Variants in ERMP1 observed in about 807,000 individuals in gnomAD.
The protein encoded by ERMP1 is Felix-ina.
In ERMP1, 86 loss-of-function variants were observed where a neutral mutation model predicts 92.0. The ratio of observed to expected loss-of-function variants is 0.93; its 90% CI spans 0.79 to 1.12. The LOEUF is 1.12. Ranked by LOEUF, ERMP1 falls within the 50% of genes most tolerant of loss-of-function variation. The pLI, the probability that ERMP1 is intolerant of heterozygous loss-of-function variation, is 0.00. For synonymous variants in ERMP1, 530 were observed against 412.8 expected (o/e 1.28, Z -3.44); for missense variants, 1,342 against 1,116.3 (o/e 1.20, Z -2.88).
At chr9:5,853,082 G>A (rs1012677152) in intron 6 of ERMP1, among the ~76,000 whole-genome samples, 3 of 152,168 alleles carry the variant, frequency 2.0e-5, no homozygotes, top group African/African-American at 7.2e-5. Context: ...GTAGGAAAGT[G>A]ACTAGGAAGT....
chr9:5,813,103 C>G, intron 4 of ERMP1, 68 bp from the exon 5 acceptor site: 1 of 1,548,402 alleles, frequency 6.5e-7, no homozygotes, highest in Non-Finnish European at 8.9e-7. Context: ...TAATGTTTTT[C>G]AACACATAGA....
intron 10 of ERMP1, among the ~76,000 whole-genome samples, chr9:5,801,956 A>G (rs1327668148): frequency 6.6e-6 from 1 of 152,222 alleles, no homozygotes; most frequent in African/African-American, 2.4e-5. Context: ...AAAATCCTAA[A>G]TATTTTCAAT....
intron 2 of ERMP1, among the ~76,000 whole-genome samples, chr9:5,827,847 G>A (rs1829783511): frequency 1.3e-5 from 2 of 151,650 alleles, no homozygotes. Flanking sequence ...GCATGGTGGT[G>A]GGCGCCTATA....
chr9:5,849,164 A>G (rs1830276206), intron 6 of ERMP1, among the ~76,000 whole-genome samples: 1 of 152,166 alleles, frequency 6.6e-6, no homozygotes. Context: ...CTGGGACTAT[A>G]GGCATGTGCC....
At chr9:5,829,808 G>GGTC (rs1563772380) in intron 2 of ERMP1, among the ~76,000 whole-genome samples, 1 of 152,106 alleles carries the variant, frequency 6.6e-6, no homozygotes, top group African/African-American at 2.4e-5. Flanking sequence ...TGCCATCTCA[G>GGTC]GTCTTGTCTA....
Position 5,832,924 on chromosome 9 carries a change from G to C in ERMP1, c.104C>G (p.Ala35Gly). The C allele has an allele frequency of 1.3e-6, 2 of 1,561,662 alleles. No individual in the cohort carries two copies. The highest frequency in any genetic ancestry group is 1.2e-5 in the South Asian group (1 of 85,886). ...AAPPPEREARAQEPLVDGCSG... is the reference protein window; with the variant it reads ...AAPPPEREARGQEPLVDGCSG... ...GCACCCATCCACCAGAGGCTCCTGCGCTCGGGCCTCCCTCTCCGGCGGTGG... is the reference window on the plus strand; with the variant it reads ...GCACCCATCCACCAGAGGCTCCTGCCCTCGGGCCTCCCTCTCCGGCGGTGG... The change falls in exon 1 of 15, where the codon GCG (alanine) becomes GGG (glycine). Residue 35 changes from alanine (A) to glycine (G), a missense_variant. Coordinates refer to ENST00000339450, the MANE Select transcript of ERMP1 (RefSeq NM_024896.3).
chr9:5,832,840 C>A lies in ERMP1; in HGVS notation c.188G>T (p.Gly63Val), dbSNP rs62638713. 1.3e-5 allele frequency: 20 copies of A among 1,503,422 alleles called. No individual in the cohort carries two copies. In the South Asian group the frequency reaches 2.1e-4, roughly 16 times the overall value. The allele number at this position is 1,503,422 out of a possible 1,614,324, so 93.1% of individuals were successfully genotyped here. A position where few individuals can be genotyped will look rare whatever the true frequency, so the allele number is the denominator to read the frequency against. ...SPGGSGGASR[G>V]AGTGLSEVRA... ...CACCTCAGACAGCCCGGTCCCCGCGCCCCTGCTCGCGCCGCCGCTACCCCC... is the reference window on the plus strand; with the variant it reads ...CACCTCAGACAGCCCGGTCCCCGCGACCCTGCTCGCGCCGCCGCTACCCCC... The change falls in exon 1 of 15, where the codon GGC (glycine) becomes GTC (valine). Residue 63 changes from glycine (G) to valine (V), a missense_variant. Gly to Val is a moderately radical substitution (Grantham distance 109). Coordinates refer to ENST00000339450, the MANE Select transcript of ERMP1 (RefSeq NM_024896.3).
At chr9:5,834,701 A>ATGTGTGTGTGTGTG (rs1461362378), upstream of ERMP1, among the ~76,000 whole-genome samples, 104 of 62,894 alleles carry the variant, frequency 1.7e-3, 1 homozygote, top group African/African-American at 3.8e-3. Context: ...ATGTATGTAT[A>ATGTGTGTGTGTGTG]TATGTGTGTG....
chr9:5,844,592 G>A (rs1260511441), intron 6 of ERMP1, among the ~76,000 whole-genome samples: 1 of 152,114 alleles, frequency 6.6e-6, no homozygotes, highest in Admixed American at 6.5e-5. Flanking sequence ...GAAGATTACA[G>A]TCAATCTTTG....
In ERMP1 at chr9:5,847,812, G is replaced by A. The variant is rs1032694612; in HGVS notation, n.3199+11656C>T. 7.2e-5 allele frequency among the ~76,000 whole-genome samples: 11 copies of A among 151,732 alleles called. No homozygotes were observed. In the South Asian group the frequency reaches 1.2e-3, roughly 17 times the overall value. Reference sequence around the variant, plus strand: ...CGGGAGGCTGAGGCAGGAGAATGGCGTGAACCCAGGAGGCGGAGCTTGCAG... The same window carrying A: ...CGGGAGGCTGAGGCAGGAGAATGGCATGAACCCAGGAGGCGGAGCTTGCAG... On this transcript the variant is annotated intron_variant and non_coding_transcript_variant, in intron 6 of 6. Transcript: ENST00000690753.
intron 8 of ERMP1, 125 bp from the exon 9 acceptor site, chr9:5,805,910 T>C (rs1054204654): frequency 4.4e-6 from 3 of 679,334 alleles, no homozygotes; most frequent in African/African-American, 1.9e-5. Context: ...GTCTGCTCTT[T>C]AAACTGATTT....
intron 2 of ERMP1, among the ~76,000 whole-genome samples, chr9:5,826,011 T>C (rs1197944060): frequency 2.0e-5 from 3 of 152,110 alleles, no homozygotes; most frequent in South Asian, 2.1e-4. Context: ...GGTGAGGCAA[T>C]TGGTGGTATC....
At chr9:5,837,243 C>A (rs1300924427), upstream of ERMP1, among the ~76,000 whole-genome samples, 1 of 152,050 alleles carries the variant, frequency 6.6e-6, no homozygotes, top group Non-Finnish European at 1.5e-5. Flanking sequence ...CCTTAGCCTC[C>A]CAAGTAACTG....
intron 2 of ERMP1, among the ~76,000 whole-genome samples, chr9:5,827,363 TA>T (rs1161616600): frequency 6.6e-6 from 1 of 151,798 alleles, no homozygotes; most frequent in Non-Finnish European, 1.5e-5. Flanking sequence ...AGCTAAAAAA[TA>T]AAATAAAAAT....
intron 5 of ERMP1, among the ~76,000 whole-genome samples, chr9:5,861,538 A>G (rs935352085): frequency 9.9e-4 from 151 of 152,120 alleles, no homozygotes; most frequent in African/African-American, 3.4e-3. Flanking sequence ...CTAAAAGCAG[A>G]TTCCTTTCTC....
At chr9:5,820,505 G>C (rs1399588610) in intron 4 of ERMP1, among the ~76,000 whole-genome samples, 1 of 152,172 alleles carries the variant, frequency 6.6e-6, no homozygotes, top group African/African-American at 2.4e-5. Context: ...AAGATTCTGT[G>C]ACCCTTTTGC....
upstream of ERMP1, among the ~76,000 whole-genome samples, chr9:5,837,560 C>G (rs1024103272): frequency 6.6e-6 from 1 of 152,046 alleles, no homozygotes; most frequent in Non-Finnish European, 1.5e-5. Flanking sequence ...AAAACAGTCA[C>G]CAAAAAGATG....
chr9:5,842,612 T>C (rs1372963051), intron 6 of ERMP1, among the ~76,000 whole-genome samples: 1 of 152,216 alleles, frequency 6.6e-6, no homozygotes, highest in East Asian at 1.9e-4. Flanking sequence ...TAATTGTATA[T>C]TATTCACAGC....
In ERMP1 at chr9:5,826,804, T is replaced by C. The variant is rs541140523; in HGVS notation, c.641-1585A>G. Among the ~76,000 whole-genome samples the C allele has an allele frequency of 5.3e-5, 8 of 152,344 alleles. No homozygotes were observed. The South Asian group carries it at 1.0e-3, about 20-fold the overall frequency. The stretch of plus-strand genomic sequence containing the variant: ...AAAATAGAGAGCAAACAATAAAATG[T>C]TTCTTTATTCAAAAAGAGAGAAAGG... On this transcript the variant is annotated intron_variant, in intron 2 of 14. Coordinates refer to ENST00000339450, the MANE Select transcript of ERMP1 (RefSeq NM_024896.3).
Sources: allele counts gnomAD v4.1 joint callset (sites outside exome capture counted in the v4.1 genomes callset), GRCh38; gene constraint gnomAD v4.1.1; transcripts MANE v1.5; gene names NCBI Gene and HGNC (gene_info 2026-07-23, HGNC 2026-07-21).